CNTNAP2: variants seen among roughly 807,000 people sequenced by gnomAD.
CNTNAP2 encodes the protein contactin associated protein 2.
Under a neutral mutation model 155.2 loss-of-function variants are expected in CNTNAP2, and 98 were observed. The ratio of observed to expected loss-of-function variants is 0.63; its 90% confidence interval spans 0.54 to 0.75. The LOEUF (loss-of-function observed/expected upper bound fraction) is 0.75. Ranked by LOEUF, CNTNAP2 falls within the 30% of genes least tolerant of loss-of-function variation. CNTNAP2 has a pLI of 0.00. For missense variants in CNTNAP2, 1,727 were observed against 1,688.1 expected (o/e 1.02, Z -0.40); for synonymous variants, 651 against 631.2 (o/e 1.03, Z -0.47).
intron 21 of CNTNAP2, among the ~76,000 whole-genome samples, chr7:148,267,547 C>T (rs1284900560): frequency 1.3e-5 from 2 of 149,072 alleles, no homozygotes; most frequent in African/African-American, 2.5e-5. Flanking sequence ...CCCAGCTACT[C>T]GGGAGGCTGA....
At position 148,165,086 on chromosome 7, in the gene CNTNAP2, C is replaced by T. The variant is rs376425433; in HGVS notation, c.2774-7156C>T. Among the ~76,000 whole-genome samples, 10 of 152,216 alleles carry T rather than the reference C, an allele frequency of 6.6e-5. 1 individual carries two copies. The highest frequency in any genetic ancestry group is 6.8e-3 in the Middle Eastern group (2 of 294). On this transcript the variant is annotated intron_variant, in intron 17 of 23. Coordinates refer to ENST00000361727, the MANE Select transcript of CNTNAP2 (RefSeq NM_014141.6). ...CTGCTTGGGCTGCCCTAACAGAATACCATAGTCTGGTGGCTTAAACAATAA... is the reference window on the plus strand; with the variant it reads ...CTGCTTGGGCTGCCCTAACAGAATATCATAGTCTGGTGGCTTAAACAATAA...
chr7:146,179,927 A>G (rs920357133), intron 1 of CNTNAP2, among the ~76,000 whole-genome samples: 4 of 152,156 alleles, frequency 2.6e-5, no homozygotes, highest in Admixed American at 2.6e-4. Flanking sequence ...AACAATATGA[A>G]ATGATTTTTA....
At chr7:147,898,222 T>C (rs1397816304) in intron 13 of CNTNAP2, among the ~76,000 whole-genome samples, 1 of 152,240 alleles carries the variant, frequency 6.6e-6, no homozygotes, top group East Asian at 1.9e-4. Flanking sequence ...TGCTCATTCA[T>C]TACATTCATC....
chr7:146,986,381 C>T (rs1326054093), intron 3 of CNTNAP2, among the ~76,000 whole-genome samples: 1 of 152,144 alleles, frequency 6.6e-6, no homozygotes, highest in Non-Finnish European at 1.5e-5. Context: ...ATGTACACCG[C>T]AGTTTCTTTA....
chr7:147,646,126 T>A (rs1477111019), intron 13 of CNTNAP2, among the ~76,000 whole-genome samples: 1 of 151,992 alleles, frequency 6.6e-6, no homozygotes. Context: ...GAGAGAAAGT[T>A]TGTTGTTGTT....
intron 13 of CNTNAP2, among the ~76,000 whole-genome samples, chr7:147,735,509 G>T (rs1275223054): frequency 2.0e-5 from 3 of 152,152 alleles, no homozygotes; most frequent in Non-Finnish European, 4.4e-5. Flanking sequence ...TTGATTTGGG[G>T]TGGAGAGTTC....
chr7:147,353,181 G>T (rs780936057), intron 9 of CNTNAP2, among the ~76,000 whole-genome samples: 1 of 150,056 alleles, frequency 6.7e-6, no homozygotes, highest in Non-Finnish European at 1.5e-5. Flanking sequence ...TAAGTTCTGG[G>T]ATACATGTTC....
intron 15 of CNTNAP2, among the ~76,000 whole-genome samples, chr7:148,029,738 A>G (rs1047134389): frequency 1.3e-5 from 2 of 152,172 alleles, no homozygotes; most frequent in African/African-American, 4.8e-5. Flanking sequence ...TTATTCCACC[A>G]CATATAAATT....
chr7:147,211,727 T>C (rs1049080045), intron 8 of CNTNAP2, among the ~76,000 whole-genome samples: 2 of 151,948 alleles, frequency 1.3e-5, no homozygotes, highest in Admixed American at 6.6e-5. Flanking sequence ...GAAACAACAT[T>C]CTGGACTCCA....
intron 13 of CNTNAP2, among the ~76,000 whole-genome samples, chr7:147,751,084 A>T (rs908342419): frequency 1.3e-4 from 20 of 151,262 alleles, no homozygotes; most frequent in South Asian, 2.1e-4. Context: ...AATAAATTAA[A>T]AAAAATTTCC....
intron 1 of CNTNAP2, among the ~76,000 whole-genome samples, chr7:146,289,947 T>G (rs2129086424): frequency 6.6e-6 from 1 of 152,350 alleles, no homozygotes; most frequent in Non-Finnish European, 1.5e-5. Context: ...TATGCTTGGT[T>G]ATTATTATTT....
intron 1 of CNTNAP2, among the ~76,000 whole-genome samples, chr7:146,768,263 G>A (rs751666223): frequency 3.3e-5 from 5 of 151,482 alleles, no homozygotes; most frequent in Admixed American, 6.6e-5. Flanking sequence ...CAAGCTGAAC[G>A]AAAAGCTCTT....
chr7:146,547,172 A>G (rs1393893792), intron 1 of CNTNAP2, among the ~76,000 whole-genome samples: 1 of 151,948 alleles, frequency 6.6e-6, no homozygotes, highest in South Asian at 2.1e-4. Flanking sequence ...TTTGTTTTGC[A>G]TAAGAGTCTG....
At chr7:148,101,644 T>A (rs1804103439) in intron 15 of CNTNAP2, among the ~76,000 whole-genome samples, 1 of 152,114 alleles carries the variant, frequency 6.6e-6, no homozygotes, top group African/African-American at 2.4e-5. Flanking sequence ...CCAATCTTAA[T>A]TTTAGAGCCC....
chr7:146,853,924 C>T (rs73740890), intron 3 of CNTNAP2, among the ~76,000 whole-genome samples: 5,591 of 152,154 alleles, frequency 0.037, 340 homozygotes, highest in African/African-American at 0.13. Flanking sequence ...TTAATTTATA[C>T]TTAATAATAT....
chr7:146,663,277 CAA>C (rs543257224), intron 1 of CNTNAP2, among the ~76,000 whole-genome samples: 2 of 33,240 alleles, frequency 6.0e-5, no homozygotes, highest in South Asian at 1.8e-3. Context: ...AACTCCATCT[CAA>C]AAAAAAAAAA....
At chr7:147,299,347 A>C (rs938500323) in intron 8 of CNTNAP2, among the ~76,000 whole-genome samples, 4 of 152,148 alleles carry the variant, frequency 2.6e-5, no homozygotes, top group African/African-American at 9.7e-5. Context: ...TGGACAATTC[A>C]ATCTAATTTT....
At chr7:148,191,240 C>T (rs1463140228) in intron 18 of CNTNAP2, among the ~76,000 whole-genome samples, 2 of 151,878 alleles carry the variant, frequency 1.3e-5, no homozygotes, top group Non-Finnish European at 2.9e-5. Flanking sequence ...GTCTGGTCCC[C>T]TTTTGTGCAC....
chr7:147,825,460 G>C (rs1038879378), intron 13 of CNTNAP2, among the ~76,000 whole-genome samples: 1 of 152,044 alleles, frequency 6.6e-6, no homozygotes, highest in African/African-American at 2.4e-5. Context: ...TTATAACAAA[G>C]CTATGAATAG....
Sources: gnomAD v4.1 joint callset for allele counts (sites outside exome capture counted in the v4.1 genomes callset) on GRCh38, gnomAD v4.1.1 for gene constraint, MANE v1.5 for transcripts, NCBI Gene and HGNC (gene_info 2026-07-23, HGNC 2026-07-21) for gene names.